The following SPAG17 variants were observed in gnomAD, a reference collection of about 807,000 sequenced individuals.
SPAG17 encodes the protein sperm associated antigen 17.
In SPAG17, 169 loss-of-function variants were observed where a neutral mutation model predicts 273.6. The ratio of observed to expected loss-of-function variants is 0.62; its 90% CI spans 0.55 to 0.70. SPAG17 has a LOEUF of 0.70. SPAG17 is among the 30% of genes least tolerant of loss of function. The pLI is 0.00. For synonymous variants in SPAG17, 825 were observed against 873.2 expected, an observed-to-expected ratio of 0.94 and a Z score of 0.97; for missense variants, 2,557 against 2,627.8, an observed-to-expected ratio of 0.97 and a Z score of 0.59.
chr1:118,176,223 T>C (rs1164466586), intron 1 of SPAG17, among the ~76,000 whole-genome samples: 2 of 152,124 alleles, frequency 1.3e-5, no homozygotes, highest in Admixed American at 6.5e-5. Flanking sequence ...CAAATGGCAG[T>C]AGTAAGTCCT....
intron 18 of SPAG17, among the ~76,000 whole-genome samples, chr1:118,061,057 C>A (rs1409236483): frequency 6.6e-6 from 1 of 152,034 alleles, no homozygotes; most frequent in African/African-American, 2.4e-5. Context: ...AGATACCAAG[C>A]ATTGGAAAGG....
At chr1:117,962,457 T>C (rs2101382474) in intron 48 of SPAG17, 1 of 151,850 alleles carries the variant, frequency 6.6e-6, no homozygotes, top group South Asian at 2.1e-4. Context: ...AGAAATTCTG[T>C]AGTACCATAA....
At chr1:118,173,148 G>A (rs1422413210) in intron 1 of SPAG17, among the ~76,000 whole-genome samples, 2 of 151,418 alleles carry the variant, frequency 1.3e-5, no homozygotes, top group African/African-American at 4.8e-5. Flanking sequence ...AAAAACCGTA[G>A]AGACTAACGT....
At chr1:118,145,096 A>G (rs1434951199) in intron 3 of SPAG17, among the ~76,000 whole-genome samples, 1 of 152,142 alleles carries the variant, frequency 6.6e-6, no homozygotes, top group East Asian at 1.9e-4. Flanking sequence ...CGTTTCTTCC[A>G]TGACATACTG....
chr1:118,092,628 C>T (rs902814463), intron 8 of SPAG17, among the ~76,000 whole-genome samples: 1 of 152,186 alleles, frequency 6.6e-6, no homozygotes, highest in African/African-American at 2.4e-5. Context: ...TTCCCCACAT[C>T]GCTAATCCTG....
At chr1:118,164,035 T>G (rs2102377755) in intron 1 of SPAG17, among the ~76,000 whole-genome samples, 1 of 152,364 alleles carries the variant, frequency 6.6e-6, no homozygotes, top group South Asian at 2.1e-4. Flanking sequence ...TCTTTATTCC[T>G]TTGGCTGTTC....
intron 3 of SPAG17, among the ~76,000 whole-genome samples, chr1:118,140,526 A>C (rs1353987111): frequency 6.6e-6 from 1 of 152,212 alleles, no homozygotes; most frequent in Non-Finnish European, 1.5e-5. Flanking sequence ...TAAAGAAAGA[A>C]AAAAAGGATA....
chr1:118,180,486 TAG>T (rs1317167416), intron 1 of SPAG17, among the ~76,000 whole-genome samples: 1 of 152,048 alleles, frequency 6.6e-6, no homozygotes, highest in African/African-American at 2.4e-5. Context: ...GGTACAAATA[TAG>T]AGTTTGATAG....
chr1:118,165,939 G>T (rs533882011), intron 1 of SPAG17, among the ~76,000 whole-genome samples: 135 of 151,414 alleles, frequency 8.9e-4, no homozygotes, highest in Non-Finnish European at 1.4e-3. Flanking sequence ...CACCGCACCC[G>T]GCCGAAATCT....
At chr1:118,009,812 G>C (rs1321851020) in intron 30 of SPAG17, among the ~76,000 whole-genome samples, 1 of 151,694 alleles carries the variant, frequency 6.6e-6, no homozygotes, top group African/African-American at 2.4e-5. Context: ...CAAAAACCAA[G>C]ATTTGGAATC....
intron 1 of SPAG17, among the ~76,000 whole-genome samples, chr1:118,177,591 A>G (rs1460797013): frequency 1.3e-5 from 2 of 152,204 alleles, no homozygotes; most frequent in African/African-American, 2.4e-5. Flanking sequence ...GAAGAAATAA[A>G]TGAAAATGAA....
chr1:117,964,045 C>G (rs1478895789), intron 47 of SPAG17, 107 bp from the exon 48 acceptor site: 5 of 1,293,000 alleles, frequency 3.9e-6, no homozygotes, highest in African/African-American at 1.5e-5. Context: ...AACATCAGTT[C>G]AATTTTAGGT....
At chr1:118,145,563 T>C (rs1658932983) in intron 3 of SPAG17, among the ~76,000 whole-genome samples, 1 of 152,210 alleles carries the variant, frequency 6.6e-6, no homozygotes, top group Non-Finnish European at 1.5e-5. Flanking sequence ...TGGTCCATTA[T>C]TTTTAAATCT....
chr1:117,958,767 CTTT>C (rs3215666), intron 48 of SPAG17: 4,283 of 357,078 alleles, frequency 0.012, 1 homozygote, highest in East Asian at 0.014. Flanking sequence ...ACTTCTTTGG[CTTT>C]TTTTTTTTTT....
chr1:118,073,526 A>G (rs1466290383), intron 17 of SPAG17, among the ~76,000 whole-genome samples: 1 of 152,228 alleles, frequency 6.6e-6, no homozygotes, highest in African/African-American at 2.4e-5. Context: ...GAAAAAAATA[A>G]GGTTTTTCCC....
intron 4 of SPAG17, among the ~76,000 whole-genome samples, chr1:118,115,012 C>T (rs1656990137): frequency 6.6e-6 from 1 of 152,186 alleles, no homozygotes; most frequent in African/African-American, 2.4e-5. Context: ...CCTGTCTCTT[C>T]CTTGGGTCCC....
chr1:118,156,689 CCTCT>C (rs1256866581), intron 1 of SPAG17, among the ~76,000 whole-genome samples: 1 of 152,188 alleles, frequency 6.6e-6, no homozygotes, highest in Non-Finnish European at 1.5e-5. Flanking sequence ...CCATTCCTCC[CCTCT>C]CTCTCCTTCC....
In SPAG17 at chr1:118,041,891, T is replaced by C. The variant is rs1351195923; in HGVS notation, c.2966A>G (p.Tyr989Cys). The C allele has an allele frequency of 1.2e-6, 2 of 1,613,870 alleles. No homozygotes were observed. Among genetic ancestry groups the C allele is most frequent in the Admixed American group, 1.7e-5 (1 of 59,986 alleles). The change falls in exon 21 of 49, where the codon TAC (tyrosine) becomes TGC (cysteine). Residue 989 changes from tyrosine to cysteine, a missense_variant. Transcript: ENST00000336338. ...DSRSLKKKSP[Y>C]KEKSKEEQVK... ...TTGTTCTTCTTTAGATTTCTCCTTG[T>C]AAGGTGATTTTTTCTTCAAAGACCT...
chr1:118,019,740 GCAA>G (rs1369337984), intron 28 of SPAG17, among the ~76,000 whole-genome samples: 1 of 152,138 alleles, frequency 6.6e-6, no homozygotes, highest in Non-Finnish European at 1.5e-5. Flanking sequence ...TATCCTCAAA[GCAA>G]CAACAACTTA....
Sources: allele counts gnomAD v4.1 joint callset (sites outside exome capture counted in the v4.1 genomes callset), GRCh38; gene constraint gnomAD v4.1.1; transcripts MANE v1.5; gene names NCBI Gene and HGNC (gene_info 2026-07-23, HGNC 2026-07-21).